Variants in PARVB observed in about 807,000 individuals in gnomAD.
PARVB encodes the protein parvin beta, also known as beta-parvin.
In PARVB, 46 loss-of-function variants were observed where a neutral mutation model predicts 47.0. The ratio of observed to expected loss-of-function variants is 0.98; its 90% CI spans 0.77 to 1.25. The LOEUF is 1.25. PARVB is among the 50% of genes most tolerant of loss of function. PARVB has a pLI of 0.00. For synonymous variants in PARVB, 196 were observed against 196.3 expected (o/e 1.00, Z 0.01); for missense variants, 473 against 471.6 (o/e 1.00, Z -0.03).
chr22:44,027,982 T>C (rs978488702), intron 1 of PARVB, among the ~76,000 whole-genome samples: 1 of 151,240 alleles, frequency 6.6e-6, no homozygotes, highest in East Asian at 1.9e-4. Flanking sequence ...TATTGACGTA[T>C]ATTTTTAAAG....
chr22:44,057,962 C>T (rs996353226), intron 1 of PARVB, among the ~76,000 whole-genome samples: 1 of 152,124 alleles, frequency 6.6e-6, no homozygotes, highest in Non-Finnish European at 1.5e-5. Flanking sequence ...GCTTCATCCT[C>T]CTGCCTGCTT....
intron 3 of PARVB, chr22:44,115,655 G>A (rs1393932362): frequency 5.8e-4 from 17 of 29,466 alleles, no homozygotes; most frequent in African/African-American, 6.6e-4. Context: ...CCCTGCACCA[G>A]AACGGATACA....
intron 1 of PARVB, among the ~76,000 whole-genome samples, chr22:44,058,984 G>A (rs1006249959): frequency 1.3e-5 from 2 of 151,752 alleles, no homozygotes; most frequent in African/African-American, 2.4e-5. Context: ...GTGTGATGGG[G>A]GGGGGAAACA....
chr22:44,067,081 G>C (rs2051551971), intron 1 of PARVB, among the ~76,000 whole-genome samples: 1 of 152,040 alleles, frequency 6.6e-6, no homozygotes, highest in South Asian at 2.1e-4. Context: ...GGCTCGAGCG[G>C]TCCTCCTGCC....
chr22:44,119,204 C>G, intron 4 of PARVB, 64 bp downstream of exon 4: 1 of 1,127,958 alleles, frequency 8.9e-7, no homozygotes, highest in Non-Finnish European at 1.4e-6. Context: ...CTGGGCTGGG[C>G]CAGGATTCTC....
intron 1 of PARVB, among the ~76,000 whole-genome samples, chr22:44,074,981 G>C (rs2051735827): frequency 1.3e-5 from 2 of 152,218 alleles, no homozygotes; most frequent in African/African-American, 4.8e-5. Context: ...GAGGATTCTT[G>C]GTTGTGGAGC....
chr22:44,072,684 C>T (rs1471211749), intron 1 of PARVB, among the ~76,000 whole-genome samples: 1 of 152,152 alleles, frequency 6.6e-6, no homozygotes, highest in Non-Finnish European at 1.5e-5. Context: ...TCAAGTCATC[C>T]ACCCACCTTG....
chr22:44,125,370 G>A lies in PARVB; in HGVS notation c.377-6117G>A, dbSNP rs1247917793. On this transcript the variant is annotated intron_variant, in intron 4 of 12. Coordinates refer to ENST00000338758, the MANE Select transcript of PARVB (RefSeq NM_013327.5). The surrounding 1 kb of genome is among the most constrained non-coding windows in gnomAD (Gnocchi z 4.1). ...ATTCTAGCAGAGTGAAGAAAGAGAA[G>A]TATTATGGGGTGGAGTGGTTCAACC... Among the ~76,000 whole-genome samples, 1 of 152,178 alleles carries A rather than the reference G, an allele frequency of 6.6e-6. No homozygotes were observed.
intron 3 of PARVB, chr22:44,107,400 C>T (rs991429493): frequency 2.0e-5 from 3 of 152,200 alleles, no homozygotes; most frequent in African/African-American, 7.2e-5. Flanking sequence ...TGTACAGTTG[C>T]CATATAAGGA....
At chr22:44,042,920 T>C (rs780638471) in intron 1 of PARVB, among the ~76,000 whole-genome samples, 2 of 152,234 alleles carry the variant, frequency 1.3e-5, no homozygotes, top group Non-Finnish European at 2.9e-5. Context: ...AACCAGAGAA[T>C]GAGCGTTGTT....
At chr22:44,106,805 TA>T (rs36102795) in intron 3 of PARVB, 92,510 of 148,394 alleles carry the variant, frequency 0.62, 28,510 homozygotes, top group East Asian at 0.69. Context: ...TGCTCCTGTT[TA>T]AAAAAAAAAA....
At position 44,068,214 on chromosome 22, in the gene PARVB, C is replaced by T. The variant is rs1193118085; in HGVS notation, c.113-25714C>T. 3.3e-5 allele frequency among the ~76,000 whole-genome samples: 5 copies of T among 152,180 alleles called. No individual in the cohort carries two copies. Among genetic ancestry groups the T allele is most frequent in the Admixed American group, 6.5e-5 (1 of 15,284 alleles). ...GTAATTGGAATAAATAAAAGCTAAT[C>T]GTGCTTCCTGGATGCCAGGAACCAC... On this transcript the variant is annotated intron_variant, in intron 1 of 12. Coordinates refer to ENST00000338758, the MANE Select transcript of PARVB (RefSeq NM_013327.5). This position sits in a 1 kb window ranked among gnomAD's most constrained non-coding sequence, Gnocchi z 4.1.
In PARVB at chr22:44,171,841, A is replaced by G. The variant is rs2054272407; in HGVS notation, c.*3163A>G. On this transcript the variant is annotated 3_prime_UTR_variant, in exon 13 of 13. Coordinates refer to ENST00000338758, the MANE Select transcript of PARVB (RefSeq NM_013327.5). ...TTTTTTTTTTTTTTTTTTTTGAGAT[A>G]AGTTCTCACTGCGTTGCCCAGGCTG... The G allele has an allele frequency of 1.5e-5, 2 of 135,978 alleles. No homozygotes were observed. Among genetic ancestry groups the G allele is most frequent in the African/African-American group, 6.5e-5 (2 of 30,978 alleles). The allele number at this position is 135,978 out of a possible 1,614,324, so 8.4% of individuals were successfully genotyped here. A position where few individuals can be genotyped will look rare whatever the true frequency, so the allele number is the denominator to read the frequency against.
intron 5 of PARVB, 118 bp downstream of exon 5, chr22:44,131,745 T>A (rs755936948): frequency 5.9e-6 from 7 of 1,179,376 alleles, no homozygotes; most frequent in Non-Finnish European, 8.2e-6. Flanking sequence ...CATCTTAAAA[T>A]TGGGTTCATC....
At chr22:44,115,934 G>T (rs62227692) in intron 3 of PARVB, 1 of 36,404 alleles carries the variant, frequency 2.7e-5, no homozygotes, top group Non-Finnish European at 5.5e-5. Flanking sequence ...TTGTTACTAA[G>T]TAAGGCCCTG....
At chr22:44,065,859 A>ATG (rs139664039) in intron 1 of PARVB, among the ~76,000 whole-genome samples, 33,900 of 144,526 alleles carry the variant, frequency 0.23, 3,915 homozygotes, top group Middle Eastern at 0.35. Context: ...GTGTGTGTGC[A>ATG]TGTGTGTGTG....
intron 2 of PARVB, among the ~76,000 whole-genome samples, chr22:44,095,746 T>C (rs961854493): frequency 1.3e-5 from 2 of 152,184 alleles, no homozygotes; most frequent in Non-Finnish European, 2.9e-5. Flanking sequence ...TTCCAAACCC[T>C]GGTTCGAAGG....
intron 1 of PARVB, among the ~76,000 whole-genome samples, chr22:44,085,653 C>T (rs2052007752): frequency 6.6e-6 from 1 of 152,194 alleles, no homozygotes; most frequent in African/African-American, 2.4e-5. Context: ...CTATGTATTG[C>T]ACTTAATTAA....
chr22:44,094,234 G>C (rs183216026), intron 2 of PARVB, among the ~76,000 whole-genome samples: 54 of 152,306 alleles, frequency 3.5e-4, no homozygotes, highest in African/African-American at 1.3e-3. Context: ...GTCTTAAAAC[G>C]TAAGTTTTAT....
Sources: allele counts gnomAD v4.1 joint callset (sites outside exome capture counted in the v4.1 genomes callset), GRCh38; gene constraint gnomAD v4.1.1; non-coding constraint Gnocchi (gnomAD v3.1); transcripts MANE v1.5; gene names NCBI Gene and HGNC (gene_info 2026-07-23, HGNC 2026-07-21).